The following TSPAN15 variants were observed in gnomAD, a reference collection of about 807,000 sequenced individuals.
TSPAN15 encodes the protein tetraspanin 15.
In TSPAN15, 20 loss-of-function variants were observed where a neutral mutation model predicts 34.5. That is an observed-to-expected ratio of 0.58 (90% CI 0.41 to 0.84). The LOEUF is 0.84. Ranked by LOEUF, TSPAN15 falls within the 40% of genes least tolerant of loss-of-function variation. The pLI is 0.00. For synonymous variants in TSPAN15, 155 were observed against 153.9 expected, an observed-to-expected ratio of 1.01 and a Z score of -0.05; for missense variants, 313 against 386.1, an observed-to-expected ratio of 0.81 and a Z score of 1.59.
At chr10:69,546,634 T>TC in the TSPAN15 span, among the ~76,000 whole-genome samples, 5 of 152,272 alleles carry the variant, frequency 3.3e-5, no homozygotes, top group East Asian at 7.7e-4. Context: ...CAAACACCTC[T>TC]CCTGCCCCAT....
the TSPAN15 span, among the ~76,000 whole-genome samples, chr10:69,546,700 C>T: frequency 6.6e-6 from 1 of 152,216 alleles, no homozygotes; most frequent in Non-Finnish European, 1.5e-5. Flanking sequence ...TGAAATCTCT[C>T]CTGCACCTCC....
At position 69,507,650 on chromosome 10, in the gene TSPAN15, T is replaced by C. The variant is rs556231065; in HGVS notation, c.*672T>C. 6.8e-3 allele frequency: 7,637 copies of C among 1,126,868 alleles called. 44 individuals are homozygous for C. The highest frequency in any genetic ancestry group is 7.3e-3 in the Non-Finnish European group (6,487 of 891,910). 69.8% of individuals were successfully genotyped at this position (1,126,868 alleles called of 1,614,324 possible). On this transcript the variant is annotated 3_prime_UTR_variant, in exon 8 of 8. Transcript: ENST00000373290. Reference sequence around the variant, plus strand: ...GTTTGTTAATCAAACAATAAAAACATGTTTTTTTTTTTTTTTTTTTTTTGC... The same window carrying C: ...GTTTGTTAATCAAACAATAAAAACACGTTTTTTTTTTTTTTTTTTTTTTGC...
the TSPAN15 span, chr10:69,523,426 A>C: frequency 1.8e-6 from 1 of 570,984 alleles, no homozygotes; most frequent in African/African-American, 1.9e-5. Context: ...GAATAAGGTC[A>C]TTCCAGAGGC....
In TSPAN15 at chr10:69,507,070, T is replaced by A; in HGVS notation, c.*92T>A. ...GGGCTGGACAGGGCTGCGGCCCCTC[T>A]GCCCACACTCAGTACTGACCAAAGC... is the stretch of plus-strand genomic sequence containing the variant. On this transcript the variant is annotated 3_prime_UTR_variant, in exon 8 of 8. Coordinates refer to ENST00000373290, the MANE Select transcript of TSPAN15 (RefSeq NM_012339.5). The A allele has an allele frequency of 6.5e-7, 1 of 1,544,548 alleles. No individual in the cohort carries two copies.
At chr10:69,509,390 TG>T (rs1464998895), downstream of TSPAN15, among the ~76,000 whole-genome samples, 1 of 152,248 alleles carries the variant, frequency 6.6e-6, no homozygotes, top group Non-Finnish European at 1.5e-5. Context: ...TTTTGAGAAG[TG>T]TGTGTTCATA....
At chr10:69,510,934 C>T (rs141533364), downstream of TSPAN15, among the ~76,000 whole-genome samples, 4,743 of 152,198 alleles carry the variant, frequency 0.031, 229 homozygotes, top group African/African-American at 0.11. Context: ...CTGACTTGAT[C>T]GTGGTAGATA....
chr10:69,542,131 C>A, the TSPAN15 span, among the ~76,000 whole-genome samples: 29,631 of 151,858 alleles, frequency 0.2, 3,146 homozygotes, highest in East Asian at 0.31. Context: ...ACCCTAAATT[C>A]TCTCTCTCAT....
the TSPAN15 span, among the ~76,000 whole-genome samples, chr10:69,522,740 C>T: frequency 2.7e-5 from 4 of 147,604 alleles, 1 homozygote; most frequent in African/African-American, 7.4e-5. Context: ...TGTTTCATTC[C>T]GAAACCATCC....
intron 1 of TSPAN15, among the ~76,000 whole-genome samples, chr10:69,459,867 G>T (rs1251182428): frequency 6.6e-6 from 1 of 151,588 alleles, no homozygotes; most frequent in Non-Finnish European, 1.5e-5. Flanking sequence ...AGGTGCCAAA[G>T]CACGGGGCCT....
At chr10:69,507,926 G>A (rs140960549), downstream of TSPAN15, among the ~76,000 whole-genome samples, 5 of 151,810 alleles carry the variant, frequency 3.3e-5, no homozygotes, top group African/African-American at 1.2e-4. Flanking sequence ...GGTGGATGGG[G>A]TGGGGGACCA....
At chr10:69,479,124 G>A (rs1426950660) in intron 1 of TSPAN15, among the ~76,000 whole-genome samples, 5 of 152,198 alleles carry the variant, frequency 3.3e-5, no homozygotes, top group African/African-American at 7.2e-5. Flanking sequence ...CCTATAGAAC[G>A]TAATACAGGG....
chr10:69,489,926 G>C (rs1178274020), intron 3 of TSPAN15, among the ~76,000 whole-genome samples: 5 of 152,232 alleles, frequency 3.3e-5, no homozygotes, highest in Non-Finnish European at 7.3e-5. Flanking sequence ...TTTTGTCCCA[G>C]CTTGTTCTGG....
At chr10:69,490,587 A>G (rs1236902) in intron 3 of TSPAN15, among the ~76,000 whole-genome samples, 92,351 of 152,004 alleles carry the variant, frequency 0.61, 28,601 homozygotes, top group African/African-American at 0.68. Flanking sequence ...TAGGCGTGGT[A>G]GTGGGCATCT....
intron 1 of TSPAN15, among the ~76,000 whole-genome samples, chr10:69,468,444 G>A (rs568068486): frequency 6.6e-6 from 1 of 152,240 alleles, no homozygotes; most frequent in East Asian, 1.9e-4. Context: ...CATACCAGAT[G>A]GGGAGCATTA....
intron 1 of TSPAN15, among the ~76,000 whole-genome samples, chr10:69,473,870 C>G (rs1841557782): frequency 6.6e-6 from 1 of 152,020 alleles, no homozygotes; most frequent in Admixed American, 6.5e-5. Flanking sequence ...AGTTCAGGGG[C>G]AAAGGGTACA....
the TSPAN15 span, among the ~76,000 whole-genome samples, chr10:69,538,435 T>C: frequency 1.3e-5 from 2 of 152,176 alleles, no homozygotes. Context: ...TTGAGTGGTT[T>C]TAGGCCCAGG....
At chr10:69,503,013 A>G (rs1329798569) in intron 5 of TSPAN15, among the ~76,000 whole-genome samples, 1 of 152,204 alleles carries the variant, frequency 6.6e-6, no homozygotes, top group African/African-American at 2.4e-5. Flanking sequence ...TATTTGTTCA[A>G]TGAACAAATG....
chr10:69,464,651 C>T (rs887752212), intron 1 of TSPAN15, among the ~76,000 whole-genome samples: 1 of 152,180 alleles, frequency 6.6e-6, no homozygotes, highest in African/African-American at 2.4e-5. Flanking sequence ...AGAACAGGAG[C>T]GTCACCCATT....
At chr10:69,465,081 G>A (rs1388218509) in intron 1 of TSPAN15, among the ~76,000 whole-genome samples, 1 of 152,228 alleles carries the variant, frequency 6.6e-6, no homozygotes, top group African/African-American at 2.4e-5. Context: ...TGAGAAGCTG[G>A]CACTCACTGA....
Sources: allele counts gnomAD v4.1 joint callset (sites outside exome capture counted in the v4.1 genomes callset), GRCh38; gene constraint gnomAD v4.1.1; transcripts MANE v1.5; gene names NCBI Gene and HGNC (gene_info 2026-07-23, HGNC 2026-07-21).